The following LSG1 variants were observed in gnomAD, a reference collection of about 807,000 sequenced individuals.
LSG1 encodes the protein large 60S subunit nuclear export GTPase 1.
Under a neutral mutation model 82.6 loss-of-function variants are expected in LSG1, and 55 were observed. That is an observed-to-expected ratio of 0.67 (90% CI 0.54 to 0.83). LSG1 has a LOEUF of 0.83. Among genes scored for constraint, LSG1 ranks in the 40% least tolerant of loss-of-function variants. LSG1 has a pLI of 0.00. For synonymous variants in LSG1, 272 were observed against 282.5 expected (o/e 0.96, Z 0.37); for missense variants, 809 against 807.9 (o/e 1.00, Z -0.02).
In LSG1 at chr3:194,653,020, A is replaced by G. The variant is rs1718710674; in HGVS notation, c.882T>C (p.Leu294=). The change falls in exon 8 of 14, where the codon CTT becomes CTC. Residue 294 remains leucine, a synonymous_variant. Coordinates refer to ENST00000265245, the MANE Select transcript of LSG1 (RefSeq NM_018385.3). ...EHLPARDSPS[L]SENPTTDEDD... is the part of the protein sequence containing the mutation. ...CTTCATCCGTTGTGGGATTTTCACT[A>G]AGTGAAGGAGAATCCCTAGCTGGGA... is the stretch of plus-strand genomic sequence containing the variant. The G allele has an allele frequency of 1.9e-6, 3 of 1,614,108 alleles. No individual in the cohort carries two copies. In the African/African-American group the frequency reaches 4.0e-5, roughly 22 times the overall value.
Position 194,644,607 on chromosome 3 carries a change from A to G in LSG1, c.1763T>C (p.Ile588Thr), listed in dbSNP as rs373776117. Residue 588 changes from isoleucine to threonine, a missense_variant, in exon 13 of 14, where the codon ATT (isoleucine) becomes ACT (threonine). By Grantham distance (89) the Ile-to-Thr change is moderately conservative. Coordinates refer to ENST00000265245, the MANE Select transcript of LSG1 (RefSeq NM_018385.3). ...AAAAGTTTTGTCAACGATATTTTCA[A>G]TCTGCTTTGCTTTTTTATTTCTGCC... ...QLGRNKKAKQ[I>T]ENIVDKTFFH... The G allele has an allele frequency of 7.4e-6, 12 of 1,611,880 alleles. No homozygotes were observed. The highest frequency in any genetic ancestry group is 1.0e-5 in the Non-Finnish European group (12 of 1,179,358).
chr3:194,645,895 G>C (rs1718540148), intron 12 of LSG1, among the ~76,000 whole-genome samples: 1 of 152,146 alleles, frequency 6.6e-6, no homozygotes, highest in Admixed American at 6.5e-5. Context: ...TGTGACAATA[G>C]TTGCAATCAT....
chr3:194,662,336 GAA>G (rs1431456224), intron 5 of LSG1, among the ~76,000 whole-genome samples: 1 of 152,234 alleles, frequency 6.6e-6, no homozygotes, highest in Non-Finnish European at 1.5e-5. Context: ...GGGAAAATGG[GAA>G]AGAGTTGCCA....
intron 8 of LSG1, chr3:194,651,507 C>G (rs967206928): frequency 2.6e-5 from 10 of 379,838 alleles, no homozygotes; most frequent in African/African-American, 2.1e-4. Flanking sequence ...CCAGCCTTCC[C>G]TCACTGCCCC....
chr3:194,662,214 G>A (rs1169859770), intron 5 of LSG1, among the ~76,000 whole-genome samples: 1 of 152,180 alleles, frequency 6.6e-6, no homozygotes, highest in Non-Finnish European at 1.5e-5. Context: ...CATTCAGTGA[G>A]GCAACTGCAA....
At chr3:194,662,779 C>CCA (rs983460843) in intron 5 of LSG1, among the ~76,000 whole-genome samples, 4 of 151,996 alleles carry the variant, frequency 2.6e-5, no homozygotes, top group African/African-American at 9.7e-5. Flanking sequence ...CAAAACAAAA[C>CCA]CACACACACA....
At chr3:194,653,683 TTA>T (rs1464650336) in intron 7 of LSG1, among the ~76,000 whole-genome samples, 1 of 151,988 alleles carries the variant, frequency 6.6e-6, no homozygotes, top group African/African-American at 2.4e-5. Context: ...ACTTTTTACT[TTA>T]TATGTTTCTG....
intron 2 of LSG1, among the ~76,000 whole-genome samples, chr3:194,667,942 A>AAATATATATATATAT (rs1416407494): frequency 4.6e-5 from 4 of 86,966 alleles, no homozygotes; most frequent in Admixed American, 1.5e-4. Context: ...AAAAAAAAAA[A>AAATATATATATATAT]ATATATATAT....
chr3:194,643,484 C>T (rs1171232709), intron 13 of LSG1, among the ~76,000 whole-genome samples: 1 of 151,894 alleles, frequency 6.6e-6, no homozygotes, highest in Non-Finnish European at 1.5e-5. Context: ...AAATACTCAT[C>T]AAAACTATAA....
In LSG1 at chr3:194,645,575, GACACACACACACAC is replaced by G. The variant is rs57272537; in HGVS notation, c.1623+575_1623+588del. The stretch of plus-strand genomic sequence containing the variant: ...ACACACACACACACACACACAGACA[GACACACACACACAC>G]ACACACACACACACACACACACACA... On this transcript the variant is annotated intron_variant, in intron 12 of 13. Transcript: ENST00000265245. 5.8e-3 allele frequency among the ~76,000 whole-genome samples: 117 copies of G among 20,120 alleles called. 9 individuals are homozygous for G. The highest frequency in any genetic ancestry group is 0.033 in the Middle Eastern group (1 of 30). 13.2% of individuals were successfully genotyped at this position (20,120 alleles called of 152,430 possible). A position where few individuals can be genotyped will look rare whatever the true frequency, so the allele number is the denominator to read the frequency against.
chr3:194,665,641 A>C lies in LSG1; in HGVS notation c.437T>G (p.Leu146Arg), dbSNP rs776745419. Residue 146 changes from leucine to arginine, a missense_variant and splice_region_variant, in exon 5 of 14, where the codon CTA (leucine) becomes CGA (arginine). Transcript: ENST00000265245. ...CAATATCAGCTTCTGTTCCTCTTCT[A>C]GCCTAGTTTTTGAATGAGAAGTTTA... ...FLEWRRQLVR[L>R]EEEQKLILTP... 1.9e-6 allele frequency: 3 copies of C among 1,604,740 alleles called. No homozygotes were observed. In the East Asian group the frequency reaches 6.7e-5, roughly 36 times the overall value.
Position 194,641,828 on chromosome 3 carries a change from G to A in LSG1, c.*240C>T, listed in dbSNP as rs750322378. 7.8e-6 allele frequency: 3 copies of A among 386,696 alleles called. No individual in the cohort carries two copies. The highest frequency in any genetic ancestry group is 1.4e-5 in the Non-Finnish European group (3 of 218,318). The allele number at this position is 386,696 out of a possible 1,614,324, so 24.0% of individuals were successfully genotyped here. ...ACGGGGTTTCTCCATGTTGGTGCGT[G>A]AGCCACTGTGCCCGGCCAGGAGTAG... On this transcript the variant is annotated 3_prime_UTR_variant, in exon 14 of 14. Transcript: ENST00000265245.
Position 194,652,954 on chromosome 3 carries a change from G to A in LSG1, c.948C>T (p.Asp316=), listed in dbSNP as rs538405096. ...CTTCTTCTGAGCACGTCTGCCAGTC[G>A]TCTTCCTCCTCCTCTGGACAGTCCT... ...EYEDCPEEEE[D]DWQTCSEEDG... The change falls in exon 8 of 14, where the codon GAC becomes GAT. Residue 316 remains aspartate, a synonymous_variant. Transcript: ENST00000265245. 1.7e-5 allele frequency: 27 copies of A among 1,614,094 alleles called. No individual in the cohort carries two copies. Among genetic ancestry groups the A allele is most frequent in the African/African-American group, 5.3e-5 (4 of 75,016 alleles).
At chr3:194,668,252 T>G (rs1719073434) in intron 2 of LSG1, among the ~76,000 whole-genome samples, 1 of 152,124 alleles carries the variant, frequency 6.6e-6, no homozygotes, top group South Asian at 2.1e-4. Flanking sequence ...CATGCACATA[T>G]TTTTGTGTAG....
At chr3:194,643,224 A>G (rs1416906230) in intron 13 of LSG1, among the ~76,000 whole-genome samples, 5 of 152,268 alleles carry the variant, frequency 3.3e-5, no homozygotes, top group African/African-American at 1.2e-4. Flanking sequence ...GAAGTTATCA[A>G]TATTTTAAAG....
intron 13 of LSG1, among the ~76,000 whole-genome samples, chr3:194,643,433 C>T (rs1199442046): frequency 1.3e-5 from 2 of 151,984 alleles, no homozygotes; most frequent in Non-Finnish European, 2.9e-5. Context: ...CATGTGCCAA[C>T]GAGCACATAA....
In LSG1 at chr3:194,653,021, A is replaced by T. The variant is rs755766421; in HGVS notation, c.881T>A (p.Leu294His). 6.2e-7 allele frequency: 1 copy of T among 1,614,174 alleles called. No homozygotes were observed. Among genetic ancestry groups the T allele is most frequent in the South Asian group, 1.1e-5 (1 of 91,084 alleles). The change falls in exon 8 of 14, where the codon CTT (leucine) becomes CAT (histidine). Residue 294 changes from leucine to histidine, a missense_variant. Physicochemically the swap from Leu to His is moderately conservative, Grantham distance 99. Transcript: ENST00000265245. ...TTCATCCGTTGTGGGATTTTCACTA[A>T]GTGAAGGAGAATCCCTAGCTGGGAG... ...EHLPARDSPS[L>H]SENPTTDEDD... is the part of the protein sequence containing the mutation.
At position 194,646,291 on chromosome 3, in the gene LSG1, C is replaced by T. The variant is rs1426143733; in HGVS notation, c.1544-48G>A. Reference sequence around the variant, plus strand: ...CAAAATCTTAGATGACAGAATATCACAACAAAGACAACTGAGGTGATGTAG... The same window carrying T: ...CAAAATCTTAGATGACAGAATATCATAACAAAGACAACTGAGGTGATGTAG... On this transcript the variant is annotated intron_variant, in intron 11 of 13. Transcript: ENST00000265245. The T allele has an allele frequency of 2.9e-6, 4 of 1,400,512 alleles. No individual in the cohort carries two copies. The Admixed American group carries it at 5.1e-5, about 18-fold the overall frequency. 86.8% of individuals were successfully genotyped at this position (1,400,512 alleles called of 1,614,324 possible).
chr3:194,645,884 CTG>C (rs1366422253), intron 12 of LSG1, among the ~76,000 whole-genome samples: 1 of 152,120 alleles, frequency 6.6e-6, no homozygotes, highest in Non-Finnish European at 1.5e-5. Context: ...ACAAAGAAGA[CTG>C]TGACAATAGT....
Sources: allele counts gnomAD v4.1 joint callset (sites outside exome capture counted in the v4.1 genomes callset), GRCh38; gene constraint gnomAD v4.1.1; transcripts MANE v1.5; gene names NCBI Gene and HGNC (gene_info 2026-07-23, HGNC 2026-07-21).